Variants in RBFOX1 observed in about 807,000 individuals in gnomAD.
The protein encoded by RBFOX1 is RNA binding fox-1 homolog 1.
A neutral mutation model predicts 57.7 loss-of-function variants in RBFOX1; 8 were observed. That is an observed-to-expected ratio of 0.14 (90% CI 0.08 to 0.25). RBFOX1 has a LOEUF of 0.25. Ranked by LOEUF, RBFOX1 falls within the 10% of genes least tolerant of loss-of-function variation. RBFOX1 has a pLI of 1.00. For missense variants in RBFOX1, 611 were observed against 548.5 expected, an observed-to-expected ratio of 1.11 and a Z score of -1.14; for synonymous variants, 326 against 222.4, an observed-to-expected ratio of 1.47 and a Z score of -4.15.
At chr16:7,616,118 A>T (rs1301738912) in intron 10 of RBFOX1, among the ~76,000 whole-genome samples, 1 of 152,238 alleles carries the variant, frequency 6.6e-6, no homozygotes, top group Non-Finnish European at 1.5e-5. Flanking sequence ...AGTCCCCAAG[A>T]CCACTCTCAG....
chr16:6,863,690 A>T (rs1245407120), intron 3 of RBFOX1, among the ~76,000 whole-genome samples: 1 of 147,274 alleles, frequency 6.8e-6, no homozygotes, highest in African/African-American at 2.5e-5. Context: ...AAAAGAAAAA[A>T]AGAAATGACC....
intron 2 of RBFOX1, among the ~76,000 whole-genome samples, chr16:6,346,829 A>G (rs1368839533): frequency 6.6e-6 from 1 of 152,110 alleles, no homozygotes; most frequent in Non-Finnish European, 1.5e-5. Context: ...TCTCTCATAT[A>G]TTACCAGAAT....
intron 3 of RBFOX1, chr16:6,983,794 T>G (rs1182918407): frequency 6.6e-6 from 1 of 152,428 alleles, no homozygotes; most frequent in African/African-American, 2.4e-5. Flanking sequence ...GCACTACTTG[T>G]GCCTAGTGAT....
intron 2 of RBFOX1, among the ~76,000 whole-genome samples, chr16:6,439,678 C>T (rs1437509508): frequency 6.6e-6 from 1 of 152,082 alleles, no homozygotes; most frequent in Non-Finnish European, 1.5e-5. Context: ...TGCTAAGCAA[C>T]CCACAAGCAG....
intron 4 of RBFOX1, among the ~76,000 whole-genome samples, chr16:7,094,443 T>C (rs868158251): frequency 6.6e-6 from 1 of 152,058 alleles, no homozygotes; most frequent in African/African-American, 2.4e-5. Context: ...GCTTTGAAAA[T>C]GATTTGGAGA....
intron 4 of RBFOX1, among the ~76,000 whole-genome samples, chr16:7,480,539 T>G (rs75742072): frequency 6.6e-6 from 1 of 152,256 alleles, no homozygotes; most frequent in Admixed American, 6.5e-5. Flanking sequence ...ATATATGGTA[T>G]TTACTTTGGG....
At chr16:6,232,186 C>T (rs1236056837) in intron 1 of RBFOX1, among the ~76,000 whole-genome samples, 3 of 152,180 alleles carry the variant, frequency 2.0e-5, no homozygotes, top group African/African-American at 7.2e-5. Flanking sequence ...AGTGGGGAAA[C>T]AGCAGAGAAG....
intron 4 of RBFOX1, among the ~76,000 whole-genome samples, chr16:7,136,404 ATTTTTT>A (rs35623726): frequency 9.0e-6 from 1 of 110,942 alleles, no homozygotes; most frequent in Non-Finnish European, 1.8e-5. Context: ...TCATCTTGGG[ATTTTTT>A]TTTTTTTTTT....
At chr16:6,262,105 G>T (rs2097705034) in intron 1 of RBFOX1, among the ~76,000 whole-genome samples, 1 of 152,080 alleles carries the variant, frequency 6.6e-6, no homozygotes, top group African/African-American at 2.4e-5. Flanking sequence ...GACAAAGACA[G>T]AGGTGCAGAG....
intron 3 of RBFOX1, among the ~76,000 whole-genome samples, chr16:7,023,913 C>G (rs2040104185): frequency 6.6e-6 from 1 of 152,088 alleles, no homozygotes; most frequent in African/African-American, 2.4e-5. Flanking sequence ...GAGTTGAAAA[C>G]AAGGAAGACT....
rs140926711 is a variant in RBFOX1, at chr16:5,743,750, C to T, written c.319-123553C>T. On this transcript the variant is annotated intron_variant, in intron 3 of 19. Transcript: ENST00000641259. ...TACACATAAGGCCTTGCTGTGTTGC[C>T]CTGGCTTGTCTGAAACTCCTGGCCC... Among the ~76,000 whole-genome samples the T allele has an allele frequency of 7.2e-4, 110 of 152,150 alleles. 1 individual carries two copies. Among genetic ancestry groups the T allele is most frequent in the African/African-American group, 2.4e-3 (101 of 41,500 alleles).
At chr16:7,560,065 C>T (rs2089942528) in intron 5 of RBFOX1, among the ~76,000 whole-genome samples, 1 of 152,172 alleles carries the variant, frequency 6.6e-6, no homozygotes, top group African/African-American at 2.4e-5. Context: ...TGGGATGGGG[C>T]CCAGAAATCT....
intron 3 of RBFOX1, among the ~76,000 whole-genome samples, chr16:5,628,059 G>C (rs996150388): frequency 6.6e-6 from 1 of 152,214 alleles, no homozygotes; most frequent in African/African-American, 2.4e-5. Flanking sequence ...ATTAAGTAAA[G>C]TAGTATAAGG....
chr16:6,671,456 T>C (rs2098764464), intron 3 of RBFOX1, among the ~76,000 whole-genome samples: 1 of 152,212 alleles, frequency 6.6e-6, no homozygotes, highest in African/African-American at 2.4e-5. Context: ...AATTTGATAT[T>C]TGAACATTAG....
At chr16:7,537,443 A>G (rs937105598) in intron 5 of RBFOX1, among the ~76,000 whole-genome samples, 1 of 152,174 alleles carries the variant, frequency 6.6e-6, no homozygotes, top group Non-Finnish European at 1.5e-5. Flanking sequence ...GATGTGACTC[A>G]GTGTGTTCCC....
intron 3 of RBFOX1, among the ~76,000 whole-genome samples, chr16:6,869,364 G>A (rs536592327): frequency 2.6e-5 from 4 of 152,200 alleles, no homozygotes; most frequent in Middle Eastern, 3.4e-3. Context: ...TCCCATAGTT[G>A]TAGGTAGAGA....
intron 3 of RBFOX1, among the ~76,000 whole-genome samples, chr16:6,988,572 T>A (rs114062228): frequency 0.064 from 9,668 of 151,332 alleles, 378 homozygotes; most frequent in South Asian, 0.17. Context: ...TATTTAATTT[T>A]ATTTTATTTT....
Position 7,546,908 on chromosome 16 carries a change from A to G in RBFOX1, c.270+28519A>G, listed in dbSNP as rs1297963632. Among the ~76,000 whole-genome samples the G allele has an allele frequency of 2.0e-5, 3 of 152,218 alleles. 1 individual carries two copies. The highest frequency in any genetic ancestry group is 7.2e-5 in the African/African-American group (3 of 41,464). On this transcript the variant is annotated intron_variant, in intron 5 of 15. Transcript: ENST00000550418. Reference sequence around the variant, plus strand: ...TTGTTTCTGTAGGATAAATTCCCACAAGTAGAACTTCTGGGTCAAAGAGTA... The same window carrying G: ...TTGTTTCTGTAGGATAAATTCCCACGAGTAGAACTTCTGGGTCAAAGAGTA...
intron 10 of RBFOX1, among the ~76,000 whole-genome samples, chr16:7,615,927 A>G (rs2058364842): frequency 6.6e-6 from 1 of 151,956 alleles, no homozygotes; most frequent in Non-Finnish European, 1.5e-5. Context: ...TACCTTAACA[A>G]CTCTCATGCC....
Sources: gnomAD v4.1 joint callset for allele counts (sites outside exome capture counted in the v4.1 genomes callset) on GRCh38, gnomAD v4.1.1 for gene constraint, MANE v1.5 for transcripts, NCBI Gene and HGNC (gene_info 2026-07-23, HGNC 2026-07-21) for gene names.